Variants in EYS observed in about 807,000 individuals in gnomAD.
The protein encoded by EYS is protein eyes shut homolog.
In EYS, 250 loss-of-function variants were observed where a neutral mutation model predicts 282.1. The ratio of observed to expected loss-of-function variants is 0.89; its 90% CI spans 0.80 to 0.98. The LOEUF is 0.98. EYS is among the 50% of genes least tolerant of loss of function. The pLI is 0.00. For synonymous variants in EYS, 1,355 were observed against 1,282.9 expected (o/e 1.06, Z -1.20); for missense variants, 4,016 against 3,709.0 (o/e 1.08, Z -2.15).
intron 34 of EYS, among the ~76,000 whole-genome samples, chr6:63,985,525 A>T (rs904782850): frequency 4.6e-5 from 7 of 151,700 alleles, no homozygotes; most frequent in African/African-American, 7.3e-5. Context: ...GGTGCTTGCA[A>T]ATGGTGCTTG....
intron 28 of EYS, among the ~76,000 whole-genome samples, chr6:64,398,743 C>T: frequency 6.6e-6 from 1 of 151,784 alleles, no homozygotes; most frequent in Non-Finnish European, 1.5e-5. Context: ...ACCTCATAGA[C>T]CTAAGACCAG....
At chr6:64,053,744 A>C (rs1254440621) in intron 33 of EYS, among the ~76,000 whole-genome samples, 1 of 152,182 alleles carries the variant, frequency 6.6e-6, no homozygotes, top group Non-Finnish European at 1.5e-5. Flanking sequence ...CATTTTCTTT[A>C]AGAAAAAACT....
At chr6:65,417,938 G>T (rs370414102) in intron 5 of EYS, among the ~76,000 whole-genome samples, 2 of 151,812 alleles carry the variant, frequency 1.3e-5, no homozygotes, top group Admixed American at 1.3e-4. Flanking sequence ...AAAGCACATG[G>T]GGAGCAAATA....
chr6:64,511,764 T>C (rs982357311), intron 26 of EYS, among the ~76,000 whole-genome samples: 3 of 151,978 alleles, frequency 2.0e-5, no homozygotes, highest in Non-Finnish European at 4.4e-5. Context: ...TCTCCTTTTC[T>C]CTTAAAAACA....
intron 5 of EYS, among the ~76,000 whole-genome samples, chr6:65,428,834 A>G (rs1167492761): frequency 6.6e-6 from 1 of 152,162 alleles, no homozygotes; most frequent in Non-Finnish European, 1.5e-5. Context: ...ACTGTGCTTC[A>G]TTGCTAATAA....
At chr6:63,810,272 AAAAAC>A (rs1225080874) in intron 36 of EYS, among the ~76,000 whole-genome samples, 1 of 151,240 alleles carries the variant, frequency 6.6e-6, no homozygotes, top group Non-Finnish European at 1.5e-5. Context: ...AAAAAAAAAA[AAAAAC>A]AAAAAACCAA....
At chr6:65,195,543 C>A (rs78038999) in intron 12 of EYS, among the ~76,000 whole-genome samples, 2,318 of 152,040 alleles carry the variant, frequency 0.015, 52 homozygotes, top group African/African-American at 0.048. Flanking sequence ...GCCATGTCTG[C>A]TGAATGTGTT....
chr6:64,072,130 T>C (rs75200645), intron 32 of EYS, among the ~76,000 whole-genome samples: 24 of 152,124 alleles, frequency 1.6e-4, no homozygotes, highest in Admixed American at 7.9e-4. Context: ...TAAGTCAATA[T>C]TGCAGAAGTA....
rs536997929 is a variant in EYS, at chr6:64,162,087, G to A, written c.6424+68505C>T. Among the ~76,000 whole-genome samples, 7 of 152,104 alleles carry A rather than the reference G, an allele frequency of 4.6e-5. No homozygotes were observed. The East Asian group carries it at 1.4e-3, about 29-fold the overall frequency. ...CTACATGCAGATTCCAGCCCTCTAG[G>A]GAAGAGAAAGAAAGTGTGCTTTTCT... On this transcript the variant is annotated intron_variant, in intron 31 of 42. Coordinates refer to ENST00000503581, the MANE Select transcript of EYS (RefSeq NM_001142800.2).
At chr6:63,857,296 A>G (rs1004574369) in intron 36 of EYS, 1 of 152,894 alleles carries the variant, frequency 6.5e-6, no homozygotes, top group East Asian at 1.9e-4. Flanking sequence ...ATAATACTCT[A>G]ACACTTCTGC....
intron 31 of EYS, among the ~76,000 whole-genome samples, chr6:64,216,708 C>A (rs1765939056): frequency 6.6e-6 from 1 of 152,154 alleles, no homozygotes; most frequent in Non-Finnish European, 1.5e-5. Context: ...AGCTTTTCTG[C>A]CAAGGTAAAG....
chr6:65,472,994 C>A (rs982444841), intron 5 of EYS, among the ~76,000 whole-genome samples: 1 of 151,876 alleles, frequency 6.6e-6, no homozygotes, highest in African/African-American at 2.4e-5. Context: ...CATAGGTAGT[C>A]TACTTCTATC....
At position 64,872,559 on chromosome 6, in the gene EYS, C is replaced by T. The variant is rs531224157; in HGVS notation, c.2992+14138G>A. Reference sequence around the variant, plus strand: ...AAGATGCAGAAGAAGGAGACCATCTCTTATAGCCCCTCTGCTTCCAGGGAG... The same window carrying T: ...AAGATGCAGAAGAAGGAGACCATCTTTTATAGCCCCTCTGCTTCCAGGGAG... On this transcript the variant is annotated intron_variant, in intron 19 of 42. Transcript: ENST00000503581. 5.1e-4 allele frequency among the ~76,000 whole-genome samples: 77 copies of T among 152,116 alleles called. 1 individual carries two copies. The highest frequency in any genetic ancestry group is 1.8e-3 in the African/African-American group (74 of 41,524).
At chr6:65,503,948 T>C (rs977692788) in intron 2 of EYS, among the ~76,000 whole-genome samples, 14 of 151,808 alleles carry the variant, frequency 9.2e-5, no homozygotes, top group African/African-American at 2.9e-4. Flanking sequence ...TTTTTTGCCT[T>C]ACCATAAAAA....
chr6:65,071,131 G>T (rs1327913602), intron 12 of EYS, among the ~76,000 whole-genome samples: 1 of 151,430 alleles, frequency 6.6e-6, no homozygotes, highest in Admixed American at 6.6e-5. Context: ...CCAAACAAAA[G>T]GAATGTATTT....
chr6:64,607,671 A>G (rs1340867646), intron 24 of EYS, among the ~76,000 whole-genome samples: 1 of 152,152 alleles, frequency 6.6e-6, no homozygotes, highest in Non-Finnish European at 1.5e-5. Context: ...GCCATAACAG[A>G]ATAGATAAGC....
intron 1 of EYS, among the ~76,000 whole-genome samples, chr6:65,656,392 G>T (rs1169289788): frequency 6.6e-6 from 1 of 151,886 alleles, no homozygotes; most frequent in Admixed American, 6.6e-5. Flanking sequence ...ACCAAGTTAT[G>T]AATGCAAAGC....
intron 2 of EYS, among the ~76,000 whole-genome samples, chr6:65,574,454 C>G (rs1764588514): frequency 6.6e-6 from 1 of 151,766 alleles, no homozygotes; most frequent in African/African-American, 2.4e-5. Flanking sequence ...CAAGTGGATA[C>G]CAAAAGAGAA....
intron 30 of EYS, among the ~76,000 whole-genome samples, chr6:64,289,469 C>A (rs1413605154): frequency 2.0e-5 from 3 of 151,994 alleles, no homozygotes; most frequent in African/African-American, 7.2e-5. Flanking sequence ...GGCAGGAGTT[C>A]TCATCCTATG....
Sources: allele counts gnomAD v4.1 joint callset (sites outside exome capture counted in the v4.1 genomes callset), GRCh38; gene constraint gnomAD v4.1.1; transcripts MANE v1.5; gene names NCBI Gene and HGNC (gene_info 2026-07-23, HGNC 2026-07-21).